The following THSD7B variants were observed in gnomAD, a reference collection of about 807,000 sequenced individuals.
The protein encoded by THSD7B is thrombospondin type-1 domain-containing protein 7B.
A neutral mutation model predicts 213.6 loss-of-function variants in THSD7B; 138 were observed. The ratio of observed to expected loss-of-function variants is 0.65; its 90% CI spans 0.56 to 0.74. The LOEUF (loss-of-function observed/expected upper bound fraction) is 0.74, where lower values mean the gene tolerates loss of function less well. THSD7B is among the 30% of genes least tolerant of loss of function. The pLI is 0.00. For synonymous variants in THSD7B, 742 were observed against 687.0 expected (o/e 1.08, Z -1.25); for missense variants, 1,931 against 1,991.5 (o/e 0.97, Z 0.58).
chr2:137,235,053 G>A (rs967939432), intron 9 of THSD7B, among the ~76,000 whole-genome samples: 2 of 152,064 alleles, frequency 1.3e-5, no homozygotes, highest in African/African-American at 2.4e-5. Context: ...GACAAATATG[G>A]ACAATAACAT....
intron 15 of THSD7B, among the ~76,000 whole-genome samples, chr2:137,464,072 T>C (rs1212053758): frequency 6.6e-6 from 1 of 152,078 alleles, no homozygotes; most frequent in Non-Finnish European, 1.5e-5. Flanking sequence ...TAGATATTTG[T>C]CATGCCAGCC....
At chr2:136,832,325 C>T (rs1682771426) in intron 1 of THSD7B, among the ~76,000 whole-genome samples, 1 of 151,960 alleles carries the variant, frequency 6.6e-6, no homozygotes, top group Non-Finnish European at 1.5e-5. Context: ...GGTGTAGTTC[C>T]AACTGAGTTT....
chr2:137,019,220 C>A (rs1686397395), intron 2 of THSD7B, among the ~76,000 whole-genome samples: 1 of 152,176 alleles, frequency 6.6e-6, no homozygotes, highest in Non-Finnish European at 1.5e-5. Context: ...CTTCTTAACA[C>A]CCTGCTAAGG....
At chr2:137,291,949 G>A (rs916516269) in intron 12 of THSD7B, among the ~76,000 whole-genome samples, 2 of 152,048 alleles carry the variant, frequency 1.3e-5, no homozygotes, top group Admixed American at 6.6e-5. Flanking sequence ...TTCAATCAGG[G>A]GTGAATTTTT....
chr2:137,390,364 T>C (rs1685993151), intron 12 of THSD7B, among the ~76,000 whole-genome samples: 1 of 152,212 alleles, frequency 6.6e-6, no homozygotes, highest in African/African-American at 2.4e-5. Context: ...ATAGAAATGC[T>C]ACTGATTTCT....
chr2:136,862,584 A>G (rs1038125117), intron 1 of THSD7B, among the ~76,000 whole-genome samples: 2 of 152,188 alleles, frequency 1.3e-5, no homozygotes, highest in African/African-American at 4.8e-5. Context: ...TGTGTAAATG[A>G]TTATTGTACA....
At chr2:137,338,083 T>C (rs1472549383) in intron 12 of THSD7B, among the ~76,000 whole-genome samples, 1 of 152,088 alleles carries the variant, frequency 6.6e-6, no homozygotes, top group Non-Finnish European at 1.5e-5. Flanking sequence ...TATCCTTCAA[T>C]CCGTTGCAGT....
intron 10 of THSD7B, among the ~76,000 whole-genome samples, chr2:137,271,030 G>T (rs1400312827): frequency 6.6e-6 from 1 of 151,964 alleles, no homozygotes; most frequent in Non-Finnish European, 1.5e-5. Flanking sequence ...GGGTCTTCTA[G>T]TATTAATGAT....
chr2:137,387,225 C>A (rs1443105746), intron 12 of THSD7B, among the ~76,000 whole-genome samples: 2 of 152,224 alleles, frequency 1.3e-5, no homozygotes, highest in Non-Finnish European at 2.9e-5. Context: ...TTCCAGGTCA[C>A]CCTGACACAC....
chr2:137,028,026 T>A (rs13428919), intron 2 of THSD7B, among the ~76,000 whole-genome samples: 6,231 of 152,220 alleles, frequency 0.041, 161 homozygotes, highest in Non-Finnish European at 0.06. Context: ...GTTATTATTA[T>A]TCCTATATGT....
chr2:137,075,415 G>T (rs990773060), intron 3 of THSD7B, among the ~76,000 whole-genome samples: 1 of 152,048 alleles, frequency 6.6e-6, no homozygotes, highest in Non-Finnish European at 1.5e-5. Context: ...TGTAGCTCTC[G>T]TGCCTTGGTT....
At chr2:137,102,607 G>A (rs956166868) in intron 4 of THSD7B, among the ~76,000 whole-genome samples, 2 of 152,168 alleles carry the variant, frequency 1.3e-5, no homozygotes, top group Non-Finnish European at 2.9e-5. Context: ...AAAGGAGCAT[G>A]TTCTAACCCA....
intron 12 of THSD7B, among the ~76,000 whole-genome samples, chr2:137,389,444 T>TGA (rs1392106893): frequency 7.5e-6 from 1 of 133,036 alleles, no homozygotes; most frequent in Non-Finnish European, 1.6e-5. Flanking sequence ...TGCAGTTGTT[T>TGA]GAGTTCCTTC....
chr2:137,636,920 T>G (rs1682843966), intron 20 of THSD7B, among the ~76,000 whole-genome samples: 1 of 152,220 alleles, frequency 6.6e-6, no homozygotes, highest in Non-Finnish European at 1.5e-5. Flanking sequence ...ACTCTTGAAC[T>G]CAAGTGATCC....
intron 9 of THSD7B, among the ~76,000 whole-genome samples, chr2:137,235,780 G>A (rs1169267673): frequency 6.6e-6 from 1 of 152,134 alleles, no homozygotes; most frequent in Admixed American, 6.5e-5. Flanking sequence ...TTTTGCTGTG[G>A]TTTACCAACA....
At chr2:136,816,878 A>G (rs1040136735) in intron 1 of THSD7B, among the ~76,000 whole-genome samples, 1 of 152,132 alleles carries the variant, frequency 6.6e-6, no homozygotes, top group Non-Finnish European at 1.5e-5. Context: ...ATTGTTTTCT[A>G]TGGGGTATTG....
At chr2:136,773,433 C>A (rs376609757) in intron 1 of THSD7B, among the ~76,000 whole-genome samples, 208 of 152,002 alleles carry the variant, frequency 1.4e-3, no homozygotes, top group African/African-American at 4.4e-3. Flanking sequence ...ATGTATGCAA[C>A]CTTGTATTTT....
At chr2:137,308,173 C>T (rs1012664248) in intron 12 of THSD7B, among the ~76,000 whole-genome samples, 2 of 151,986 alleles carry the variant, frequency 1.3e-5, no homozygotes, top group Non-Finnish European at 2.9e-5. Flanking sequence ...TGCATGTGCA[C>T]TCACACTCAT....
At chr2:137,443,384 A>T (rs1687461449) in intron 14 of THSD7B, among the ~76,000 whole-genome samples, 1 of 152,168 alleles carries the variant, frequency 6.6e-6, no homozygotes, top group African/African-American at 2.4e-5. Flanking sequence ...TTTTCACAAG[A>T]ATCTCTTAGA....
Sources: gnomAD v4.1 joint callset for allele counts (sites outside exome capture counted in the v4.1 genomes callset) on GRCh38, gnomAD v4.1.1 for gene constraint, MANE v1.5 for transcripts, NCBI Gene and HGNC (gene_info 2026-07-23, HGNC 2026-07-21) for gene names.